RAPGEF6: variants seen among roughly 807,000 people sequenced by gnomAD.
RAPGEF6 encodes Rap guanine nucleotide exchange factor 6.
In RAPGEF6, 56 loss-of-function variants were observed where a neutral mutation model predicts 171.4. That is an observed-to-expected ratio of 0.33 (90% CI 0.26 to 0.41). The LOEUF (loss-of-function observed/expected upper bound fraction) is 0.41, where lower values mean the gene tolerates loss of function less well. Among genes scored for constraint, RAPGEF6 ranks in the 10% least tolerant of loss-of-function variants. RAPGEF6 has a pLI of 1.00. For synonymous variants in RAPGEF6, 692 were observed against 650.1 expected (o/e 1.06, Z -0.98); for missense variants, 1,674 against 1,921.4 (o/e 0.87, Z 2.41).
chr5:131,510,560 T>A, intron 7 of RAPGEF6, 69 bp from the exon 8 acceptor site: 1 of 1,432,808 alleles, frequency 7.0e-7, no homozygotes, highest in Non-Finnish European at 9.6e-7. Context: ...TCTGAATTAA[T>A]CAAAACTACC....
chr5:131,537,081 T>C (rs1759824725), intron 6 of RAPGEF6, among the ~76,000 whole-genome samples: 1 of 152,220 alleles, frequency 6.6e-6, no homozygotes, highest in African/African-American at 2.4e-5. Flanking sequence ...TTGTTTGCTA[T>C]GTCTGAGTAG....
intron 6 of RAPGEF6, among the ~76,000 whole-genome samples, chr5:131,540,934 T>A (rs1474353303): frequency 1.3e-5 from 2 of 152,176 alleles, no homozygotes; most frequent in African/African-American, 4.8e-5. Context: ...GAGGCCAAGA[T>A]CGCACCATTG....
Position 131,433,556 on chromosome 5 carries a change from G to C in RAPGEF6, c.3848C>G (p.Ser1283Cys). The C allele has an allele frequency of 6.2e-7, 1 of 1,613,170 alleles. No homozygotes were observed. Among genetic ancestry groups the C allele is most frequent in the Non-Finnish European group, 8.5e-7 (1 of 1,179,148 alleles). Residue 1283 changes from serine to cysteine, a missense_variant, in exon 25 of 28, where the codon TCC (serine) becomes TGC (cysteine). Ser to Cys is a moderately radical substitution (Grantham distance 112). Around this residue, in one of 3 missense-constraint regions of RAPGEF6, gnomAD observed 552 missense variants for 574.2 expected, o/e 0.96. Transcript: ENST00000509018. The stretch of plus-strand genomic sequence containing the variant: ...TTCATCCTGTAGAGCTGCAGACATG[G>C]AGTCAACAGAACAATTGCTCACGAT... Reference protein sequence around the residue: ...SSIVSNCSVDSMSAALQDERC... With the variant: ...SSIVSNCSVDCMSAALQDERC...
rs1561538161 is a variant in RAPGEF6 at position 131,528,306 on chromosome 5, ATT to A, written c.496-6787_496-6786del. The stretch of plus-strand genomic sequence containing the variant: ...ATATATAAATAAAATAAAATAATAT[ATT>A]TATATTATATATATATATATATATA... On this transcript the variant is annotated intron_variant, in intron 6 of 27. Transcript: ENST00000509018. 9.7e-4 allele frequency among the ~76,000 whole-genome samples: 34 copies of A among 34,892 alleles called. 1 individual carries two copies. Among genetic ancestry groups the A allele is most frequent in the African/African-American group, 3.2e-3 (29 of 9,168 alleles). The allele number at this position is 34,892 out of a possible 152,430, so 22.9% of individuals were successfully genotyped here. A position where few individuals can be genotyped will look rare whatever the true frequency, so the allele number is the denominator to read the frequency against.
At chr5:131,548,916 A>G (rs1192455318) in intron 5 of RAPGEF6, among the ~76,000 whole-genome samples, 1 of 152,136 alleles carries the variant, frequency 6.6e-6, no homozygotes, top group East Asian at 1.9e-4. Flanking sequence ...GGAAAAAAAT[A>G]AGCCAGGCAT....
chr5:131,536,517 T>G lies in RAPGEF6; in HGVS notation c.495+11530A>C, dbSNP rs549139807. On this transcript the variant is annotated intron_variant, in intron 6 of 27. Coordinates refer to ENST00000509018, the MANE Select transcript of RAPGEF6 (RefSeq NM_016340.6). ...CATACTGTCATATATATCCACTAACTGATCACCCCCATTTTTGTTGAAAAT... is the reference window on the plus strand; with the variant it reads ...CATACTGTCATATATATCCACTAACGGATCACCCCCATTTTTGTTGAAAAT... Among the ~76,000 whole-genome samples the G allele has an allele frequency of 5.3e-5, 8 of 152,260 alleles. No homozygotes were observed. The South Asian group carries it at 1.7e-3, about 32-fold the overall frequency.
At chr5:131,477,084 C>A (rs1265634060) in intron 16 of RAPGEF6, among the ~76,000 whole-genome samples, 1 of 151,752 alleles carries the variant, frequency 6.6e-6, no homozygotes, top group African/African-American at 2.4e-5. Flanking sequence ...TATTTGATTT[C>A]TGAGAGCTCT....
At chr5:131,433,017 CT>C (rs1427929052) in intron 25 of RAPGEF6, among the ~76,000 whole-genome samples, 2 of 151,880 alleles carry the variant, frequency 1.3e-5, no homozygotes, top group Non-Finnish European at 2.9e-5. Context: ...CCAAATTACA[CT>C]TTCAGAGGAC....
intron 6 of RAPGEF6, among the ~76,000 whole-genome samples, chr5:131,536,456 C>T (rs1246213225): frequency 1.3e-5 from 2 of 152,134 alleles, no homozygotes; most frequent in African/African-American, 4.8e-5. Context: ...AGTACCAACG[C>T]TCTTTTATTC....
chr5:131,493,665 A>G (rs1441895367), intron 13 of RAPGEF6, among the ~76,000 whole-genome samples: 1 of 152,202 alleles, frequency 6.6e-6, no homozygotes, highest in Non-Finnish European at 1.5e-5. Flanking sequence ...GTCCATAACA[A>G]AAAGCTAAAG....
At chr5:131,630,152 G>A (rs951755589) in intron 1 of RAPGEF6, among the ~76,000 whole-genome samples, 2 of 152,176 alleles carry the variant, frequency 1.3e-5, no homozygotes, top group African/African-American at 4.8e-5. Flanking sequence ...AACTGTCACA[G>A]CCACCCCAAT....
At chr5:131,454,828 T>G (rs572801841) in intron 20 of RAPGEF6, among the ~76,000 whole-genome samples, 1 of 152,072 alleles carries the variant, frequency 6.6e-6, no homozygotes, top group Non-Finnish European at 1.5e-5. Flanking sequence ...AAACAAAATC[T>G]TAACAGCCAG....
intron 15 of RAPGEF6, among the ~76,000 whole-genome samples, chr5:131,486,741 T>TC: frequency 6.6e-6 from 1 of 150,868 alleles, no homozygotes; most frequent in Non-Finnish European, 1.5e-5. Flanking sequence ...TTTTTTTTTT[T>TC]TTTTTTGAGA....
intron 1 of RAPGEF6, among the ~76,000 whole-genome samples, chr5:131,606,925 C>A (rs890604043): frequency 6.6e-6 from 1 of 152,162 alleles, no homozygotes; most frequent in Non-Finnish European, 1.5e-5. Context: ...CCAATTGAGG[C>A]TCTACGGGGT....
intron 12 of RAPGEF6, 131 bp downstream of exon 12, chr5:131,498,312 G>C: frequency 2.4e-6 from 2 of 819,442 alleles, no homozygotes; most frequent in South Asian, 2.0e-5. Flanking sequence ...TATACTGATG[G>C]TTCAGGTTCA....
intron 17 of RAPGEF6, 61 bp downstream of exon 17, chr5:131,472,526 T>C: frequency 6.4e-7 from 1 of 1,556,694 alleles, no homozygotes; most frequent in South Asian, 1.1e-5. Flanking sequence ...GCACAAGGCT[T>C]AACCATCTAT....
rs1168486376 is a variant in RAPGEF6 at position 131,606,029 on chromosome 5, CAAA to C, written c.70-1339_70-1337del. Among the ~76,000 whole-genome samples, 562 of 70,486 alleles carry C rather than the reference CAAA, an allele frequency of 8.0e-3. 1 individual carries two copies. Among genetic ancestry groups the C allele is most frequent in the African/African-American group, 0.046 (521 of 11,436 alleles). The allele number at this position is 70,486 out of a possible 152,430, so 46.2% of individuals were successfully genotyped here. ...TGGGTGACAGAGTGAGACTCCATCT[CAAA>C]AAAAAAAAAAAAAAAAAAAAAGAAA... On this transcript the variant is annotated intron_variant, in intron 1 of 27. Coordinates refer to ENST00000509018, the MANE Select transcript of RAPGEF6 (RefSeq NM_016340.6).
intron 1 of RAPGEF6, among the ~76,000 whole-genome samples, chr5:131,610,166 A>C (rs1255165300): frequency 6.6e-6 from 1 of 152,210 alleles, no homozygotes; most frequent in Non-Finnish European, 1.5e-5. Flanking sequence ...GGGCCTAGAA[A>C]CAAATGAGTA....
At position 131,634,965 on chromosome 5, in the gene RAPGEF6, G is replaced by A; in HGVS notation, c.66C>T (p.Pro22=). 2 of 1,614,060 alleles carry A rather than the reference G, an allele frequency of 1.2e-6. No individual in the cohort carries two copies. Among genetic ancestry groups the A allele is most frequent in the South Asian group, 1.1e-5 (1 of 91,082 alleles). Residue 22 remains proline, a synonymous_variant, in exon 1 of 28, where the codon CCC becomes CCT. Transcript: ENST00000509018. ...ALRKKPPERT[P]EDLNTIYSYL... Reference sequence around the variant, plus strand: ...CATAAAGGTCAACCAGCCTCACCTCGGGAGTCCGCTCGGGTGGCTTCTTCC... The same window carrying A: ...CATAAAGGTCAACCAGCCTCACCTCAGGAGTCCGCTCGGGTGGCTTCTTCC...
Sources: gnomAD v4.1 joint callset for allele counts (sites outside exome capture counted in the v4.1 genomes callset) on GRCh38, gnomAD v4.1.1 for gene constraint, gnomAD v4.1.1 regional missense constraint, MANE v1.5 for transcripts, NCBI Gene and HGNC (gene_info 2026-07-23, HGNC 2026-07-21) for gene names.